The following RFTN2 variants were observed in gnomAD, a reference collection of about 807,000 sequenced individuals.
The protein encoded by RFTN2 is raftlin family member 2.
A neutral mutation model predicts 52.7 loss-of-function variants in RFTN2; 34 were observed. The observed-to-expected ratio is 0.64, with a 90% confidence interval of 0.49 to 0.86. The LOEUF (loss-of-function observed/expected upper bound fraction) is 0.86. Ranked by LOEUF, RFTN2 falls within the 40% of genes least tolerant of loss-of-function variation. The pLI is 0.00. For missense variants in RFTN2, 536 were observed against 600.1 expected (o/e 0.89, Z 1.12); for synonymous variants, 203 against 217.7 (o/e 0.93, Z 0.59).
At chr2:197,572,846 G>T (rs528145430) in intron 8 of RFTN2, among the ~76,000 whole-genome samples, 5 of 152,192 alleles carry the variant, frequency 3.3e-5, no homozygotes, top group Admixed American at 2.6e-4. Context: ...ATGGGGGTGG[G>T]TCTTATCCCA....
chr2:197,617,849 C>T lies in RFTN2; in HGVS notation c.1001G>A (p.Ser334Asn), dbSNP rs151001350. 2.9e-5 allele frequency: 47 copies of T among 1,609,116 alleles called. No homozygotes were observed. The highest frequency in any genetic ancestry group is 3.8e-5 in the Non-Finnish European group (45 of 1,176,602). Residue 334 changes from serine (S) to asparagine (N), a missense_variant, in exon 6 of 9, where the codon AGT (serine) becomes AAT (asparagine). Transcript: ENST00000295049. ...EEEGSGVPGS[S>N]RKGNDAIVVE... ...TACGATGGCATCATTTCCTTTCCTA[C>T]TAGAACCTGGAACTCCAGAACCTTC... is the stretch of plus-strand genomic sequence containing the variant.
chr2:197,658,239 T>A (rs990582346), intron 1 of RFTN2, among the ~76,000 whole-genome samples: 2 of 151,908 alleles, frequency 1.3e-5, no homozygotes, highest in Non-Finnish European at 2.9e-5. Context: ...TTTGACTTCC[T>A]TCCAATGCCT....
rs2087849256 is a variant in RFTN2, at chr2:197,599,583, C to G, written c.1155-3514G>C. 2.0e-5 allele frequency among the ~76,000 whole-genome samples: 3 copies of G among 151,952 alleles called. No individual in the cohort carries two copies. The South Asian group carries it at 6.2e-4, about 32-fold the overall frequency. On this transcript the variant is annotated intron_variant, in intron 7 of 8. Transcript: ENST00000295049. ...AGGTAGGTGGGTTAGGGGTGTATGT[C>G]AAGGAAAAAAGTCCTCAGATGGTGT...
chr2:197,571,593 AG>A lies in RFTN2; in HGVS notation c.*414del, dbSNP rs2087318895. 3 of 170,728 alleles carry A rather than the reference AG, an allele frequency of 1.8e-5. No individual in the cohort carries two copies. Among genetic ancestry groups the A allele is most frequent in the South Asian group, 3.1e-4 (2 of 6,392 alleles). 10.6% of individuals were successfully genotyped at this position (170,728 alleles called of 1,614,324 possible). ...GTGTATGAGAGAGAGAGAAAAAAAAAGAGAGAGAGAGGTTATTTTTCAGCTT... is the reference window on the plus strand; with the variant it reads ...GTGTATGAGAGAGAGAGAAAAAAAAAAGAGAGAGAGGTTATTTTTCAGCTT... On this transcript the variant is annotated 3_prime_UTR_variant, in exon 9 of 9. Coordinates refer to ENST00000295049, the MANE Select transcript of RFTN2 (RefSeq NM_144629.3).
chr2:197,589,355 G>T lies in RFTN2; in HGVS notation c.1233+6636C>A, dbSNP rs141199699. The stretch of plus-strand genomic sequence containing the variant: ...CTGCCATGATTGTGAGGCCTCCTCA[G>T]CCATGAGGAACTCTGAGTCCAGTTA... On this transcript the variant is annotated intron_variant, in intron 8 of 8. Transcript: ENST00000295049. Among the ~76,000 whole-genome samples, 76 of 150,234 alleles carry T rather than the reference G, an allele frequency of 5.1e-4. 2 individuals carry two copies. The South Asian group carries it at 8.5e-3, about 17-fold the overall frequency.
rs1574668226 is a variant in RFTN2, at chr2:197,571,229, T to A, written c.*779A>T. On this transcript the variant is annotated 3_prime_UTR_variant, in exon 9 of 9. Transcript: ENST00000295049. ...AAGTTGATATTTTTCCTCTTCATAG[T>A]ATTTGGACTTTAAAATAAAAAAAAA... The A allele has an allele frequency of 1.3e-5, 2 of 152,164 alleles. No individual in the cohort carries two copies. Among genetic ancestry groups the A allele is most frequent in the East Asian group, 3.8e-4 (2 of 5,232 alleles). 9.4% of individuals were successfully genotyped at this position (152,164 alleles called of 1,614,324 possible). A position where few individuals can be genotyped will look rare whatever the true frequency, so the allele number is the denominator to read the frequency against.
intron 4 of RFTN2, 137 bp from the exon 5 acceptor site, chr2:197,631,357 A>G (rs2106232407): frequency 2.8e-6 from 2 of 708,834 alleles, no homozygotes; most frequent in Non-Finnish European, 5.0e-6. Flanking sequence ...AATATGCTAT[A>G]TTTGTTTCAG....
intron 8 of RFTN2, among the ~76,000 whole-genome samples, chr2:197,584,766 G>A (rs185189766): frequency 6.6e-6 from 1 of 152,066 alleles, no homozygotes; most frequent in Admixed American, 6.6e-5. Context: ...CTTTTACATG[G>A]ACGCACTTTC....
intron 4 of RFTN2, among the ~76,000 whole-genome samples, chr2:197,632,032 A>G (rs1338054055): frequency 6.6e-6 from 1 of 152,232 alleles, no homozygotes; most frequent in African/African-American, 2.4e-5. Context: ...CTTTAAAAAT[A>G]CTGAGAGAGA....
At chr2:197,630,544 C>T (rs1014552532) in intron 5 of RFTN2, among the ~76,000 whole-genome samples, 15 of 152,140 alleles carry the variant, frequency 9.9e-5, no homozygotes, top group African/African-American at 3.6e-4. Context: ...GAAGTAAGAA[C>T]AGAGCCAACG....
rs374315858 is a variant in RFTN2 at position 197,635,167 on chromosome 2, T to A, written c.439-1170A>T. On this transcript the variant is annotated intron_variant, in intron 3 of 8. Coordinates refer to ENST00000295049, the MANE Select transcript of RFTN2 (RefSeq NM_144629.3). ...GACATTTGGGTTGGTTCCAAGTCTT[T>A]GCTATTGTGAATAATGCCGCAATAA... Among the ~76,000 whole-genome samples, 356 of 152,270 alleles carry A rather than the reference T, an allele frequency of 2.3e-3. 16 individuals are homozygous for A. In the East Asian group the frequency reaches 0.062, roughly 27 times the overall value.
At chr2:197,608,306 C>G (rs1039061835) in intron 7 of RFTN2, among the ~76,000 whole-genome samples, 1 of 147,210 alleles carries the variant, frequency 6.8e-6, no homozygotes, top group African/African-American at 2.6e-5. Context: ...TCCTTAGGGA[C>G]CAGATTTTTT....
chr2:197,591,830 G>A (rs557216582), intron 8 of RFTN2, among the ~76,000 whole-genome samples: 4 of 151,798 alleles, frequency 2.6e-5, no homozygotes, highest in Admixed American at 6.5e-5. Context: ...CCAGCCGGCC[G>A]CTCTGAGTGT....
chr2:197,665,261 A>G (rs1055988624), intron 1 of RFTN2, among the ~76,000 whole-genome samples: 1 of 152,156 alleles, frequency 6.6e-6, no homozygotes, highest in Non-Finnish European at 1.5e-5. Flanking sequence ...TGTAAAACTA[A>G]AACTGCTCAA....
chr2:197,634,682 CTTATTTT>C (rs969265432), intron 3 of RFTN2, among the ~76,000 whole-genome samples: 18 of 148,978 alleles, frequency 1.2e-4, no homozygotes, highest in South Asian at 6.3e-4. Context: ...CTTAAGAATG[CTTATTTT>C]TTATTTTTTA....
intron 7 of RFTN2, among the ~76,000 whole-genome samples, chr2:197,608,188 C>T (rs1377838085): frequency 1.3e-5 from 2 of 152,146 alleles, no homozygotes; most frequent in South Asian, 2.1e-4. Context: ...AGCTGTGATG[C>T]CCATGAGGCT....
intron 7 of RFTN2, among the ~76,000 whole-genome samples, chr2:197,613,889 A>T (rs781643961): frequency 1.3e-5 from 2 of 152,188 alleles, no homozygotes; most frequent in Non-Finnish European, 2.9e-5. Context: ...TTAAAATTAC[A>T]TTTTTCTGCT....
At chr2:197,626,555 C>G (rs1167368471) in intron 5 of RFTN2, among the ~76,000 whole-genome samples, 2 of 72,568 alleles carry the variant, frequency 2.8e-5, no homozygotes, top group East Asian at 3.0e-4. Context: ...CAGTGAGACC[C>G]CATCTACAAA....
At position 197,627,244 on chromosome 2, in the gene RFTN2, C is replaced by T. The variant is rs944746058; in HGVS notation, c.928+3767G>A. ...CACAGGTCTGCTCCTCTCCAGCTGC[C>T]CAGTCTCAGTGTGATTGCTGCCTTC... On this transcript the variant is annotated intron_variant, in intron 5 of 8. Coordinates refer to ENST00000295049, the MANE Select transcript of RFTN2 (RefSeq NM_144629.3). Among the ~76,000 whole-genome samples, 15 of 152,306 alleles carry T rather than the reference C, an allele frequency of 9.8e-5. No individual in the cohort carries two copies. In the Middle Eastern group the frequency reaches 0.014, roughly 138 times the overall value.
Sources: gnomAD v4.1 joint callset for allele counts (sites outside exome capture counted in the v4.1 genomes callset) on GRCh38, gnomAD v4.1.1 for gene constraint, MANE v1.5 for transcripts, NCBI Gene and HGNC (gene_info 2026-07-23, HGNC 2026-07-21) for gene names.